The following MDGA2 variants were observed in gnomAD, a reference collection of about 807,000 sequenced individuals.
MDGA2 encodes MAM domain-containing glycosylphosphatidylinositol anchor protein 2.
MDGA2 carries 40 observed loss-of-function variants against 117.8 expected under a neutral mutation model. The ratio of observed to expected loss-of-function variants is 0.34; its 90% CI spans 0.26 to 0.44. The LOEUF is 0.44. Ranked by LOEUF, MDGA2 falls within the 20% of genes least tolerant of loss-of-function variation. The pLI, the probability that MDGA2 is intolerant of heterozygous loss-of-function variation, is 1.00. For synonymous variants in MDGA2, 452 were observed against 439.0 expected (o/e 1.03, Z -0.37); for missense variants, 1,123 against 1,250.6 (o/e 0.90, Z 1.54).
chr14:47,620,417 A>C (rs1594947374), intron 1 of MDGA2, among the ~76,000 whole-genome samples: 2 of 152,238 alleles, frequency 1.3e-5, no homozygotes, highest in East Asian at 3.9e-4. Context: ...ATGCAAGTTA[A>C]AACTTTCTTC....
intron 7 of MDGA2, chr14:47,059,321 T>C: frequency 7.8e-7 from 1 of 1,274,910 alleles, no homozygotes; most frequent in South Asian, 1.2e-5. Flanking sequence ...AAGTGGGTAC[T>C]TTCCAGGGGT....
rs557421908 is a variant in MDGA2, at chr14:47,154,015, G to A, written c.596-9741C>T. On this transcript the variant is annotated intron_variant, in intron 3 of 16. Transcript: ENST00000399232. ...AGTAAAAACATGGAGAGATTAATGG[G>A]TATAATCCTTTCAAGAAACTTGGCT... Among the ~76,000 whole-genome samples the A allele has an allele frequency of 3.3e-5, 5 of 152,158 alleles. No individual in the cohort carries two copies. In the South Asian group the frequency reaches 8.3e-4, roughly 25 times the overall value.
chr14:47,396,269 T>C (rs2138448806), intron 1 of MDGA2, among the ~76,000 whole-genome samples: 1 of 152,256 alleles, frequency 6.6e-6, no homozygotes. Flanking sequence ...ATATGTATTA[T>C]CTGATAAAAC....
chr14:47,152,684 AAT>A (rs1883207480), intron 3 of MDGA2, among the ~76,000 whole-genome samples: 1 of 152,036 alleles, frequency 6.6e-6, no homozygotes, highest in Non-Finnish European at 1.5e-5. Flanking sequence ...AAAAAAGGCA[AAT>A]AAATGAATAA....
intron 1 of MDGA2, among the ~76,000 whole-genome samples, chr14:47,440,267 C>T (rs142683810): frequency 4.6e-5 from 7 of 152,216 alleles, no homozygotes; most frequent in African/African-American, 1.7e-4. Context: ...TTAATGAGGA[C>T]GTATAAATAT....
chr14:47,401,164 A>C (rs1435364427), intron 1 of MDGA2, among the ~76,000 whole-genome samples: 1 of 152,112 alleles, frequency 6.6e-6, no homozygotes, highest in Non-Finnish European at 1.5e-5. Context: ...TTAACAACCA[A>C]AAACAATAAT....
chr14:47,305,787 A>T (rs1365663239), intron 1 of MDGA2, among the ~76,000 whole-genome samples: 1 of 152,214 alleles, frequency 6.6e-6, no homozygotes, highest in Non-Finnish European at 1.5e-5. Context: ...ATGATAATTG[A>T]ATAGGATAGA....
Position 47,133,127 on chromosome 14 carries a change from A to T in MDGA2, c.793-1281T>A, listed in dbSNP as rs367655626. ...AGTGGTAAAAAAAAAAAAAACAAAC[A>T]AACAAAAAAAAACTACCTTTCAATT... On this transcript the variant is annotated intron_variant, in intron 4 of 16. Transcript: ENST00000399232. 1.3e-3 allele frequency among the ~76,000 whole-genome samples: 203 copies of T among 151,618 alleles called. 1 individual carries two copies. Among genetic ancestry groups the T allele is most frequent in the African/African-American group, 4.6e-3 (192 of 41,420 alleles).
At position 47,035,133 on chromosome 14, in the gene MDGA2, T is replaced by G. The variant is rs761674673; in HGVS notation, c.1697A>C (p.Asp566Ala). The G allele has an allele frequency of 6.2e-7, 1 of 1,614,008 alleles. No individual in the cohort carries two copies. Among genetic ancestry groups the G allele is most frequent in the Admixed American group, 1.7e-5 (1 of 60,000 alleles). Residue 566 changes from aspartate to alanine, a missense_variant, in exon 8 of 17, where the codon GAT (aspartate) becomes GCT (alanine). By Grantham distance (126) the Asp-to-Ala change is moderately radical. Around this residue, in one of 2 missense-constraint regions of MDGA2, gnomAD observed 890 missense variants for 1,050.3 expected, o/e 0.85. Coordinates refer to ENST00000399232, the MANE Select transcript of MDGA2 (RefSeq NM_001113498.3). ...PDGSMQMESY[D>A]GTLRIVNVSR... ...TACATTCACAATCCTCAGTGTTCCA[T>G]CATAACTCTCCATTTGCATTGATCC...
chr14:47,672,960 C>CCCATTA (rs1898102623), intron 1 of MDGA2, among the ~76,000 whole-genome samples: 1 of 152,148 alleles, frequency 6.6e-6, no homozygotes, highest in Admixed American at 6.5e-5. Context: ...CACACGTCCC[C>CCCATTA]CCATTACCAC....
intron 5 of MDGA2, among the ~76,000 whole-genome samples, chr14:47,124,009 T>G (rs1038192315): frequency 6.6e-6 from 1 of 152,108 alleles, no homozygotes; most frequent in African/African-American, 2.4e-5. Flanking sequence ...ATTCTCTATA[T>G]CTACAATATT....
At chr14:47,189,044 G>C (rs1019684526) in intron 3 of MDGA2, among the ~76,000 whole-genome samples, 3 of 152,118 alleles carry the variant, frequency 2.0e-5, no homozygotes, top group African/African-American at 7.2e-5. Context: ...CTTTGCTGTT[G>C]TTGTTGGTGA....
At chr14:47,084,932 G>A (rs868675978) in intron 6 of MDGA2, among the ~76,000 whole-genome samples, 57 of 134,288 alleles carry the variant, frequency 4.2e-4, no homozygotes, top group African/African-American at 1.4e-3. Context: ...ACAGGAACAC[G>A]TGCTAACTAA....
chr14:47,344,321 T>C (rs1890715486), intron 1 of MDGA2, among the ~76,000 whole-genome samples: 1 of 152,188 alleles, frequency 6.6e-6, no homozygotes, highest in Non-Finnish European at 1.5e-5. Context: ...CATTCCTTTG[T>C]ATTAAAACCT....
chr14:47,079,727 A>ATT (rs35801678), intron 6 of MDGA2, among the ~76,000 whole-genome samples: 16,226 of 78,648 alleles, frequency 0.21, 2,632 homozygotes, highest in Admixed American at 0.3. Context: ...TTTTCTACTA[A>ATT]TTTTTTTTTT....
At chr14:47,034,932 C>A in intron 8 of MDGA2, 79 bp downstream of exon 8, 1 of 1,292,950 alleles carries the variant, frequency 7.7e-7, no homozygotes, top group Non-Finnish European at 1.1e-6. Flanking sequence ...ACAAAAATCA[C>A]CTCATATTAA....
At chr14:47,305,631 A>G (rs1054215681) in intron 1 of MDGA2, among the ~76,000 whole-genome samples, 5 of 152,160 alleles carry the variant, frequency 3.3e-5, no homozygotes, top group Non-Finnish European at 5.9e-5. Flanking sequence ...CTTTCACCTC[A>G]TATATAGACT....
intron 1 of MDGA2, among the ~76,000 whole-genome samples, chr14:47,659,882 T>C (rs955550962): frequency 6.6e-6 from 1 of 152,216 alleles, no homozygotes; most frequent in Non-Finnish European, 1.5e-5. Flanking sequence ...CCAGTTTAAT[T>C]TGAAATTTTT....
At chr14:46,970,989 T>C (rs7156722) in intron 8 of MDGA2, among the ~76,000 whole-genome samples, 18,424 of 151,768 alleles carry the variant, frequency 0.12, 2,141 homozygotes, top group African/African-American at 0.28. Context: ...ACAATTACCT[T>C]ACCAATTACC....
Sources: allele counts gnomAD v4.1 joint callset (sites outside exome capture counted in the v4.1 genomes callset), GRCh38; gene constraint gnomAD v4.1.1; regional missense constraint gnomAD v4.1.1; transcripts MANE v1.5; gene names NCBI Gene and HGNC (gene_info 2026-07-23, HGNC 2026-07-21).